Variants in SDK1 observed in about 807,000 individuals in gnomAD.
The protein encoded by SDK1 is sidekick cell adhesion molecule 1.
In SDK1, 157 loss-of-function variants were observed where a neutral mutation model predicts 245.5. The ratio of observed to expected loss-of-function variants is 0.64; its 90% confidence interval spans 0.56 to 0.73. The LOEUF is 0.73. Among genes scored for constraint, SDK1 ranks in the 30% least tolerant of loss-of-function variants. The pLI, the probability that SDK1 is intolerant of heterozygous loss-of-function variation, is 0.00. For synonymous variants in SDK1, 1,647 were observed against 1,278.5 expected (o/e 1.29, Z -6.15); for missense variants, 3,583 against 3,002.3 (o/e 1.19, Z -4.52).
chr7:3,882,021 G>A (rs1781220263), intron 5 of SDK1, among the ~76,000 whole-genome samples: 1 of 152,108 alleles, frequency 6.6e-6, no homozygotes, highest in African/African-American at 2.4e-5. Context: ...CCACATAGCT[G>A]GGGAGGCCTC....
chr7:3,548,826 C>G (rs1163714820), intron 1 of SDK1, among the ~76,000 whole-genome samples: 2 of 152,168 alleles, frequency 1.3e-5, no homozygotes, highest in Admixed American at 1.3e-4. Flanking sequence ...TAGGGAGAAG[C>G]TGATATTTTG....
intron 1 of SDK1, among the ~76,000 whole-genome samples, chr7:3,425,724 T>A (rs1779657949): frequency 6.6e-6 from 1 of 152,192 alleles, no homozygotes; most frequent in Non-Finnish European, 1.5e-5. Flanking sequence ...GGAAGATAAG[T>A]AGAAAAAGAC....
At chr7:3,310,105 A>G (rs1490658499) in intron 1 of SDK1, among the ~76,000 whole-genome samples, 1 of 152,152 alleles carries the variant, frequency 6.6e-6, no homozygotes, top group Admixed American at 6.5e-5. Flanking sequence ...ATCATCTCTC[A>G]GTTTGCTTCT....
Position 4,268,812 on chromosome 7 carries a change from G to A in SDK1, c.*3428G>A. The A allele has an allele frequency of 8.2e-7, 1 of 1,215,472 alleles. No individual in the cohort carries two copies. 75.3% of individuals were successfully genotyped at this position (1,215,472 alleles called of 1,614,324 possible). A position where few individuals can be genotyped will look rare whatever the true frequency, so the allele number is the denominator to read the frequency against. Reference sequence around the variant, plus strand: ...ACTCATGAGCTGAGCCTGCCCGCTGGGACACGTCTCCTTCCCGCGTCACCT... The same window carrying A: ...ACTCATGAGCTGAGCCTGCCCGCTGAGACACGTCTCCTTCCCGCGTCACCT... On this transcript the variant is annotated 3_prime_UTR_variant, in exon 45 of 45. Transcript: ENST00000404826.
intron 1 of SDK1, among the ~76,000 whole-genome samples, chr7:3,607,567 T>A (rs1781461262): frequency 6.6e-6 from 1 of 152,220 alleles, no homozygotes. Flanking sequence ...ACAGAGCAAA[T>A]AATCAAACCA....
intron 22 of SDK1, among the ~76,000 whole-genome samples, chr7:4,106,519 A>G (rs1782921842): frequency 6.6e-6 from 1 of 151,652 alleles, no homozygotes; most frequent in Non-Finnish European, 1.5e-5. Flanking sequence ...GATGGTCTCA[A>G]TCTCCTGACC....
At chr7:3,429,889 T>C (rs1185034968) in intron 1 of SDK1, among the ~76,000 whole-genome samples, 1 of 152,110 alleles carries the variant, frequency 6.6e-6, no homozygotes, top group African/African-American at 2.4e-5. Flanking sequence ...CCATGACAGA[T>C]ATAGAGACAC....
intron 5 of SDK1, among the ~76,000 whole-genome samples, chr7:3,925,577 G>A (rs549260841): frequency 1.3e-5 from 2 of 152,298 alleles, no homozygotes; most frequent in East Asian, 1.9e-4. Context: ...GCGTGTTCTC[G>A]CTGTTGTCAG....
chr7:4,245,397 C>T (rs1269243757), intron 43 of SDK1, among the ~76,000 whole-genome samples: 2 of 152,120 alleles, frequency 1.3e-5, no homozygotes, highest in Non-Finnish European at 2.9e-5. Flanking sequence ...GCTGTTTGTA[C>T]GTGAGTGTCT....
intron 1 of SDK1, among the ~76,000 whole-genome samples, chr7:3,551,938 CTTAAT>C (rs1479227229): frequency 6.6e-6 from 1 of 152,110 alleles, no homozygotes; most frequent in Non-Finnish European, 1.5e-5. Flanking sequence ...TTTAAAAACT[CTTAAT>C]TTAATTGAGA....
At chr7:3,566,583 C>G (rs573176671) in intron 1 of SDK1, among the ~76,000 whole-genome samples, 2 of 152,028 alleles carry the variant, frequency 1.3e-5, no homozygotes, top group Admixed American at 1.3e-4. Context: ...GATTTTATCA[C>G]CATTACAGAT....
At chr7:4,149,554 C>T (rs1267333597) in intron 30 of SDK1, 91 bp downstream of exon 30, 3 of 853,676 alleles carry the variant, frequency 3.5e-6, no homozygotes, top group East Asian at 6.7e-5. Flanking sequence ...GCTGTGTGGG[C>T]CAAGCAGGTG....
chr7:3,403,858 TATATATATATA>T (rs1481448223), intron 1 of SDK1, among the ~76,000 whole-genome samples: 6 of 116,386 alleles, frequency 5.2e-5, no homozygotes, highest in East Asian at 2.4e-4. Context: ...TATATATATA[TATATATATATA>T]ATATATATAT....
At chr7:4,234,997 A>C (rs1177978337) in intron 41 of SDK1, among the ~76,000 whole-genome samples, 1 of 152,140 alleles carries the variant, frequency 6.6e-6, no homozygotes, top group Non-Finnish European at 1.5e-5. Context: ...GCACTTGTTG[A>C]AATTGAACTT....
At chr7:3,637,922 G>A (rs917830178) in intron 2 of SDK1, among the ~76,000 whole-genome samples, 3 of 152,232 alleles carry the variant, frequency 2.0e-5, no homozygotes, top group Non-Finnish European at 2.9e-5. Context: ...ATCTCATCCT[G>A]AAAGTGTTGT....
At chr7:3,745,785 G>T (rs1779597904) in intron 4 of SDK1, among the ~76,000 whole-genome samples, 1 of 152,140 alleles carries the variant, frequency 6.6e-6, no homozygotes. Context: ...TATTGGCAAA[G>T]AAAAGTGAGA....
chr7:3,418,456 G>T (rs1433020059), intron 1 of SDK1, among the ~76,000 whole-genome samples: 1 of 152,152 alleles, frequency 6.6e-6, no homozygotes, highest in African/African-American at 2.4e-5. Flanking sequence ...AAAGAGCCTA[G>T]AGGTTTCTGA....
intron 4 of SDK1, among the ~76,000 whole-genome samples, chr7:3,676,922 A>T (rs1267819793): frequency 3.3e-5 from 5 of 152,116 alleles, no homozygotes; most frequent in African/African-American, 1.2e-4. Context: ...CTTGTAGTAT[A>T]GTTTGAAGTT....
intron 1 of SDK1, among the ~76,000 whole-genome samples, chr7:3,302,612 A>G (rs367808524): frequency 2.1e-5 from 3 of 142,560 alleles, no homozygotes; most frequent in African/African-American, 7.8e-5. Context: ...GCTTCCCTCC[A>G]CCCCCTCCCC....
Sources: allele counts gnomAD v4.1 joint callset (sites outside exome capture counted in the v4.1 genomes callset), GRCh38; gene constraint gnomAD v4.1.1; transcripts MANE v1.5; gene names NCBI Gene and HGNC (gene_info 2026-07-23, HGNC 2026-07-21).